The following IQCE variants were observed in gnomAD, a reference collection of about 807,000 sequenced individuals.
The protein encoded by IQCE is IQ domain-containing protein E.
IQCE carries 115 observed loss-of-function variants against 96.0 expected under a neutral mutation model. The ratio of observed to expected loss-of-function variants is 1.20; its 90% CI spans 1.03 to 1.40. IQCE has a LOEUF of 1.40. Ranked by LOEUF, IQCE falls within the 40% of genes most tolerant of loss-of-function variation. The probability of loss-of-function intolerance (pLI) is 0.00; values close to 1 mark genes in which losing one functional copy is unlikely to be tolerated. For missense variants in IQCE, 1,041 were observed against 909.1 expected (o/e 1.15, Z -1.87); for synonymous variants, 412 against 371.2 (o/e 1.11, Z -1.26).
At chr7:2,595,174 T>C (rs1024870195) in intron 16 of IQCE, among the ~76,000 whole-genome samples, 198 bp downstream of exon 16, 4 of 152,238 alleles carry the variant, frequency 2.6e-5, no homozygotes, top group African/African-American at 4.8e-5. Context: ...TGTCAGCAAA[T>C]TGACTTCTCG....
At chr7:2,576,689 G>T (rs559256716) in intron 6 of IQCE, among the ~76,000 whole-genome samples, 201 of 152,230 alleles carry the variant, frequency 1.3e-3, no homozygotes, top group Non-Finnish European at 1.4e-3. Context: ...GTAAGCCACC[G>T]TGCCCGGCCC....
chr7:2,572,335 GCCGA>G lies in IQCE; in HGVS notation c.394+10_394+13del. On this transcript the variant is annotated intron_variant, in intron 5 of 21. Transcript: ENST00000402050. ...GCGCTCTGCCAGCAACGGTGAGCAT[GCCGA>G]TGGTGGCGAGGCTGAGGCCAAGGAA... The G allele has an allele frequency of 6.2e-7, 1 of 1,613,044 alleles. No homozygotes were observed. Among genetic ancestry groups the G allele is most frequent in the Non-Finnish European group, 8.5e-7 (1 of 1,179,492 alleles).
intron 8 of IQCE, among the ~76,000 whole-genome samples, chr7:2,579,700 GGTGTGTGTGT>G (rs68086038): frequency 2.7e-4 from 36 of 133,006 alleles, no homozygotes; most frequent in Admixed American, 8.4e-4. Flanking sequence ...TTGTTCTGGT[GGTGTGTGTGT>G]GTGTGTGTGT....
intron 1 of IQCE, among the ~76,000 whole-genome samples, chr7:2,565,377 G>T (rs1781299320): frequency 6.6e-6 from 1 of 152,174 alleles, no homozygotes; most frequent in South Asian, 2.1e-4. Context: ...TGACCGGCAG[G>T]CTGGAGGCAG....
At position 2,608,655 on chromosome 7, in the gene IQCE, C is replaced by T. The variant is rs60461941; in HGVS notation, c.1970-1389C>T. ...CTCCGGGAGCCGATTCTACCGGCTT[C>T]GCCAGACCCTGCCTTTGGTGACCTT... On this transcript the variant is annotated intron_variant, in intron 21 of 21. Transcript: ENST00000402050. Among the ~76,000 whole-genome samples the T allele has an allele frequency of 1.8e-3, 275 of 152,334 alleles. 1 individual carries two copies. Among genetic ancestry groups the T allele is most frequent in the African/African-American group, 6.5e-3 (270 of 41,574 alleles).
intron 14 of IQCE, among the ~76,000 whole-genome samples, chr7:2,592,737 C>T (rs534829794): frequency 3.9e-5 from 6 of 152,242 alleles, no homozygotes; most frequent in South Asian, 2.1e-4. Flanking sequence ...CAATGAGTGG[C>T]GGCTGGAGGG....
intron 3 of IQCE, among the ~76,000 whole-genome samples, chr7:2,569,786 G>A (rs895715214): frequency 6.6e-6 from 1 of 152,070 alleles, no homozygotes; most frequent in African/African-American, 2.4e-5. Flanking sequence ...AGTATATGAC[G>A]CACTCAGAGA....
In IQCE at chr7:2,601,307, C is replaced by T. The variant is rs536014519; in HGVS notation, c.1609-134C>T. The stretch of plus-strand genomic sequence containing the variant: ...GTTTGTTTGCTGGGTCCCGGCAGCT[C>T]GGGAGGGAGGAGCCAGGGCAGCCAG... On this transcript the variant is annotated intron_variant, in intron 17 of 21. Transcript: ENST00000402050. 5.3e-5 allele frequency: 36 copies of T among 677,514 alleles called. No individual in the cohort carries two copies. In the African/African-American group the frequency reaches 5.5e-4, roughly 10 times the overall value. The allele number at this position is 677,514 out of a possible 1,614,324, so 42.0% of individuals were successfully genotyped here. A position where few individuals can be genotyped will look rare whatever the true frequency, so the allele number is the denominator to read the frequency against.
intron 4 of IQCE, 121 bp from the exon 5 acceptor site, chr7:2,572,071 C>T: frequency 9.3e-7 from 1 of 1,078,422 alleles, no homozygotes; most frequent in Non-Finnish European, 1.4e-6. Flanking sequence ...CAGCACGACA[C>T]TGACGGCTGG....
Position 2,587,721 on chromosome 7 carries a change from C to A in IQCE, c.989-101C>A, listed in dbSNP as rs1783231619. 7.5e-6 allele frequency: 9 copies of A among 1,200,600 alleles called. No homozygotes were observed. The Admixed American group carries it at 1.5e-4, about 21-fold the overall frequency. The allele number at this position is 1,200,600 out of a possible 1,614,324, so 74.4% of individuals were successfully genotyped here. On this transcript the variant is annotated intron_variant, in intron 12 of 21. Transcript: ENST00000402050. Reference sequence around the variant, plus strand: ...TGTGGCTCTGCAGCCCCGCAGGCTGCTCCGGCTGCGGAAGAGGAGCCTCAG... The same window carrying A: ...TGTGGCTCTGCAGCCCCGCAGGCTGATCCGGCTGCGGAAGAGGAGCCTCAG...
At chr7:2,604,165 T>C (rs1410336507) in intron 18 of IQCE, among the ~76,000 whole-genome samples, 1 of 152,042 alleles carries the variant, frequency 6.6e-6, no homozygotes, top group Non-Finnish European at 1.5e-5. Context: ...TTTTTGTATT[T>C]TTAGTAGAGA....
At chr7:2,606,390 G>A (rs1032452003) in intron 20 of IQCE, among the ~76,000 whole-genome samples, 2 of 152,092 alleles carry the variant, frequency 1.3e-5, no homozygotes, top group Non-Finnish European at 2.9e-5. Context: ...CACGGCATAT[G>A]ACAGGCGACG....
At chr7:2,560,112 A>G (rs547557618) in intron 1 of IQCE, among the ~76,000 whole-genome samples, 1 of 152,100 alleles carries the variant, frequency 6.6e-6, no homozygotes, top group Admixed American at 6.5e-5. Flanking sequence ...GTGAACTGTG[A>G]TCATGGCCCT....
chr7:2,567,699 A>G (rs1562621626), intron 2 of IQCE, among the ~76,000 whole-genome samples: 1 of 152,234 alleles, frequency 6.6e-6, no homozygotes, highest in Non-Finnish European at 1.5e-5. Flanking sequence ...CTTCTCGTGT[A>G]TGAGCGAAAA....
At chr7:2,592,394 G>T (rs986905626) in intron 14 of IQCE, among the ~76,000 whole-genome samples, 2 of 130,520 alleles carry the variant, frequency 1.5e-5, no homozygotes, top group Non-Finnish European at 3.6e-5. Flanking sequence ...GCTGTCAAGT[G>T]GCGTGACAAG....
At chr7:2,592,239 GC>G (rs1783658597) in intron 14 of IQCE, among the ~76,000 whole-genome samples, 1 of 152,204 alleles carries the variant, frequency 6.6e-6, no homozygotes, top group Non-Finnish European at 1.5e-5. Context: ...GTGCATTTAT[GC>G]CAATTGATAG....
At chr7:2,602,786 G>A (rs1784522487) in intron 18 of IQCE, among the ~76,000 whole-genome samples, 1 of 152,276 alleles carries the variant, frequency 6.6e-6, no homozygotes, top group East Asian at 1.9e-4. Context: ...AATTGCACGG[G>A]GTTCATACTC....
At chr7:2,583,147 G>T (rs892289032) in intron 9 of IQCE, among the ~76,000 whole-genome samples, 1 of 152,146 alleles carries the variant, frequency 6.6e-6, no homozygotes, top group Non-Finnish European at 1.5e-5. Context: ...TCTTATTTCA[G>T]TGCAGAACCT....
intron 15 of IQCE, among the ~76,000 whole-genome samples, chr7:2,594,229 T>C (rs1783841025): frequency 6.6e-6 from 1 of 152,166 alleles, no homozygotes; most frequent in African/African-American, 2.4e-5. Flanking sequence ...CACTGTCCTC[T>C]ATCCTGGGTG....
Sources: gnomAD v4.1 joint callset for allele counts (sites outside exome capture counted in the v4.1 genomes callset) on GRCh38, gnomAD v4.1.1 for gene constraint, MANE v1.5 for transcripts, NCBI Gene and HGNC (gene_info 2026-07-23, HGNC 2026-07-21) for gene names.